Variants in KIAA1217 observed in about 807,000 individuals in gnomAD.
KIAA1217 encodes sickle tail protein homolog.
A neutral mutation model predicts 163.9 loss-of-function variants in KIAA1217; 88 were observed. The ratio of observed to expected loss-of-function variants is 0.54; its 90% CI spans 0.45 to 0.64. The LOEUF is 0.64. Among genes scored for constraint, KIAA1217 ranks in the 30% least tolerant of loss-of-function variants. The pLI, the probability that KIAA1217 is intolerant of heterozygous loss-of-function variation, is 0.00. For missense variants in KIAA1217, 2,372 were observed against 2,475.0 expected (o/e 0.96, Z 0.88); for synonymous variants, 903 against 923.1 (o/e 0.98, Z 0.39).
chr10:23,828,968 G>T (rs1271850473), intron 1 of KIAA1217, among the ~76,000 whole-genome samples: 1 of 152,098 alleles, frequency 6.6e-6, no homozygotes, highest in African/African-American at 2.4e-5. Context: ...TATATAAAAT[G>T]CCCCAGATTA....
At chr10:24,538,050 T>C (rs1377380276) in intron 17 of KIAA1217, among the ~76,000 whole-genome samples, 1 of 152,178 alleles carries the variant, frequency 6.6e-6, no homozygotes, top group South Asian at 2.1e-4. Flanking sequence ...ATTCTAGCTT[T>C]CCTTAAACAA....
At chr10:24,205,336 G>A (rs1053342630), upstream of KIAA1217, among the ~76,000 whole-genome samples, 1 of 145,560 alleles carries the variant, frequency 6.9e-6, no homozygotes, top group Non-Finnish European at 1.5e-5. Flanking sequence ...AAAGCCAGGC[G>A]TGGTGGCACA....
chr10:24,546,390 G>T lies in KIAA1217; in HGVS notation c.*66G>T. 1 of 1,434,708 alleles carries T rather than the reference G, an allele frequency of 7.0e-7. No homozygotes were observed. Among genetic ancestry groups the T allele is most frequent in the Non-Finnish European group, 9.4e-7 (1 of 1,062,936 alleles). 88.9% of individuals were successfully genotyped at this position (1,434,708 alleles called of 1,614,324 possible). A position where few individuals can be genotyped will look rare whatever the true frequency, so the allele number is the denominator to read the frequency against. On this transcript the variant is annotated 3_prime_UTR_variant, in exon 21 of 21. Transcript: ENST00000376454. Reference sequence around the variant, plus strand: ...AAAAAATTAACAGTCTACAACAACTGTTTTCACAAGAGAATGTAACATATT... The same window carrying T: ...AAAAAATTAACAGTCTACAACAACTTTTTTCACAAGAGAATGTAACATATT...
intron 2 of KIAA1217, among the ~76,000 whole-genome samples, chr10:24,139,463 A>T (rs1274692281): frequency 6.6e-6 from 1 of 151,944 alleles, no homozygotes; most frequent in Non-Finnish European, 1.5e-5. Flanking sequence ...AAATATTCTA[A>T]TTATTATACC....
At chr10:23,751,815 C>G (rs1839753214) in intron 1 of KIAA1217, among the ~76,000 whole-genome samples, 1 of 152,140 alleles carries the variant, frequency 6.6e-6, no homozygotes, top group Non-Finnish European at 1.5e-5. Flanking sequence ...ATATTTGTGA[C>G]TAATTACAAG....
chr10:24,541,153 A>G (rs2075004646), intron 17 of KIAA1217, among the ~76,000 whole-genome samples: 1 of 147,226 alleles, frequency 6.8e-6, no homozygotes, highest in Admixed American at 6.9e-5. Context: ...GACTCAAGCA[A>G]TCCTCCTGCC....
intron 1 of KIAA1217, among the ~76,000 whole-genome samples, chr10:23,880,949 A>G (rs1695153376): frequency 6.6e-6 from 1 of 151,924 alleles, no homozygotes; most frequent in African/African-American, 2.4e-5. Context: ...TGGAGTTCTC[A>G]ACAGGTGAAT....
chr10:23,777,244 C>T (rs1301333089), intron 1 of KIAA1217, among the ~76,000 whole-genome samples: 1 of 152,152 alleles, frequency 6.6e-6, no homozygotes, highest in African/African-American at 2.4e-5. Context: ...AGGATTACAG[C>T]GTTTTCTATA....
In KIAA1217 at chr10:24,513,286, A is replaced by G; in HGVS notation, c.2029A>G (p.Met677Val). 4 of 1,614,194 alleles carry G rather than the reference A, an allele frequency of 2.5e-6. No homozygotes were observed. Among genetic ancestry groups the G allele is most frequent in the South Asian group, 2.2e-5 (2 of 91,084 alleles). The change falls in exon 10 of 21, where the codon ATG becomes GTG. Residue 677 changes from methionine (M) to valine (V), a missense_variant. Transcript: ENST00000376454. ...QLQNQELLRA[M>V]MKKAELEISG... ...GCAGAACCAGGAGTTGCTGAGGGCA[A>G]TGATGAAGAAGGCCGAGCTGGAAAT...
At chr10:24,138,984 A>G (rs1261744269) in intron 2 of KIAA1217, among the ~76,000 whole-genome samples, 1 of 152,194 alleles carries the variant, frequency 6.6e-6, no homozygotes. Flanking sequence ...TGTCCTTTAC[A>G]TAGGCTCTGA....
chr10:24,023,379 T>C (rs1315088976), intron 2 of KIAA1217, among the ~76,000 whole-genome samples: 1 of 151,686 alleles, frequency 6.6e-6, no homozygotes, highest in Non-Finnish European at 1.5e-5. Flanking sequence ...CCAGCAGTTT[T>C]CCATCTATGT....
At chr10:24,148,616 T>C (rs981031883) in intron 2 of KIAA1217, among the ~76,000 whole-genome samples, 2 of 152,164 alleles carry the variant, frequency 1.3e-5, no homozygotes, top group African/African-American at 4.8e-5. Context: ...TTGCTCCCTC[T>C]CTCATCATGT....
At chr10:24,473,164 ACT>A (rs1208352015) in intron 5 of KIAA1217, 62 bp from the exon 6 acceptor site, 1 of 1,165,298 alleles carries the variant, frequency 8.6e-7, no homozygotes, top group Non-Finnish European at 1.2e-6. Context: ...ACGGTTACAC[ACT>A]GAGACTTCTC....
chr10:24,239,640 G>A (rs530953562), intron 2 of KIAA1217, among the ~76,000 whole-genome samples: 1 of 151,842 alleles, frequency 6.6e-6, no homozygotes, highest in African/African-American at 2.4e-5. Context: ...TCTGAAAATT[G>A]AGATGCTCCA....
chr10:23,981,049 T>C (rs970995885), intron 1 of KIAA1217, among the ~76,000 whole-genome samples: 1 of 152,188 alleles, frequency 6.6e-6, no homozygotes, highest in African/African-American at 2.4e-5. Flanking sequence ...AGTTTAAAAA[T>C]AAAACCGTAT....
chr10:23,971,111 T>C (rs1845296791), intron 1 of KIAA1217, among the ~76,000 whole-genome samples: 1 of 152,196 alleles, frequency 6.6e-6, no homozygotes, highest in Non-Finnish European at 1.5e-5. Context: ...CTCCCCTGAG[T>C]CTTCCCTTGG....
At chr10:23,851,058 A>G (rs1839287559) in intron 1 of KIAA1217, among the ~76,000 whole-genome samples, 1 of 152,086 alleles carries the variant, frequency 6.6e-6, no homozygotes, top group Non-Finnish European at 1.5e-5. Context: ...ACATGGGCAC[A>G]ATGTGCAGGT....
intron 9 of KIAA1217, among the ~76,000 whole-genome samples, chr10:24,509,595 C>A (rs560629479): frequency 6.6e-6 from 1 of 152,286 alleles, no homozygotes; most frequent in South Asian, 2.1e-4. Context: ...GCCCCTTGAA[C>A]AACATGGGGG....
chr10:24,482,483 A>C (rs1268369984), intron 6 of KIAA1217: 2 of 152,266 alleles, frequency 1.3e-5, no homozygotes, highest in African/African-American at 4.8e-5. Context: ...TGGGGTTCCC[A>C]CCCAACCTAA....
Sources: gnomAD v4.1 joint callset for allele counts (sites outside exome capture counted in the v4.1 genomes callset) on GRCh38, gnomAD v4.1.1 for gene constraint, MANE v1.5 for transcripts, NCBI Gene and HGNC (gene_info 2026-07-23, HGNC 2026-07-21) for gene names.